Variants in SPAG16 observed in about 807,000 individuals in gnomAD.
SPAG16 encodes the protein sperm-associated antigen 16 protein.
Under a neutral mutation model 80.4 loss-of-function variants are expected in SPAG16, and 86 were observed. That is an observed-to-expected ratio of 1.07 (90% confidence interval 0.90 to 1.28). The LOEUF is 1.28. Ranked by LOEUF, SPAG16 falls within the 50% of genes most tolerant of loss-of-function variation. The pLI is 0.00. For synonymous variants in SPAG16, 294 were observed against 265.9 expected (o/e 1.11, Z -1.03); for missense variants, 870 against 765.3 (o/e 1.14, Z -1.61).
chr2:213,912,881 A>G (rs10181112), intron 11 of SPAG16, among the ~76,000 whole-genome samples: 88,835 of 151,824 alleles, frequency 0.59, 27,792 homozygotes, highest in South Asian at 0.84. Flanking sequence ...ATTTGAAGTC[A>G]TTTGTTCACA....
chr2:213,520,526 G>A (rs182411931), intron 10 of SPAG16, among the ~76,000 whole-genome samples: 23 of 151,200 alleles, frequency 1.5e-4, no homozygotes, highest in African/African-American at 4.6e-4. Flanking sequence ...CCTGGGAGGC[G>A]GAGCTTGCAG....
intron 10 of SPAG16, among the ~76,000 whole-genome samples, chr2:213,763,673 C>T (rs901431971): frequency 4.7e-5 from 7 of 150,398 alleles, no homozygotes; most frequent in Non-Finnish European, 7.4e-5. Flanking sequence ...TTTTTTACCA[C>T]GATAAAAAGG....
intron 10 of SPAG16, among the ~76,000 whole-genome samples, chr2:213,502,289 A>C (rs2074774438): frequency 6.6e-6 from 1 of 151,826 alleles, no homozygotes; most frequent in Non-Finnish European, 1.5e-5. Context: ...GCTATTTAAA[A>C]AATTTTTTTT....
intron 15 of SPAG16, among the ~76,000 whole-genome samples, chr2:214,366,857 A>G (rs950308756): frequency 5.9e-5 from 9 of 152,130 alleles, no homozygotes; most frequent in Admixed American, 3.9e-4. Flanking sequence ...TGAAAAAAAA[A>G]CACATTTGTT....
intron 9 of SPAG16, among the ~76,000 whole-genome samples, chr2:213,388,933 A>G (rs563270658): frequency 1.3e-5 from 2 of 152,216 alleles, no homozygotes; most frequent in South Asian, 2.1e-4. Flanking sequence ...TAAGTTTCGT[A>G]TAGTCTCAAG....
chr2:213,634,319 G>T (rs1484109890), intron 10 of SPAG16, among the ~76,000 whole-genome samples: 1 of 151,980 alleles, frequency 6.6e-6, no homozygotes, highest in Non-Finnish European at 1.5e-5. Context: ...CATTAACTTT[G>T]TCTCCCTCAC....
intron 10 of SPAG16, among the ~76,000 whole-genome samples, chr2:213,612,469 G>A (rs1574491340): frequency 6.6e-6 from 1 of 152,142 alleles, no homozygotes; most frequent in East Asian, 1.9e-4. Context: ...TCATCACTTA[G>A]ATATCTAATA....
chr2:213,940,101 AT>A (rs1442071314), intron 12 of SPAG16, among the ~76,000 whole-genome samples: 3 of 152,216 alleles, frequency 2.0e-5, no homozygotes, highest in African/African-American at 7.2e-5. Flanking sequence ...AAGGTACAAA[AT>A]TTTAAACTAG....
At position 214,030,524 on chromosome 2, in the gene SPAG16, T is replaced by C. The variant is rs547249492; in HGVS notation, c.1527+16447T>C. On this transcript the variant is annotated intron_variant, in intron 13 of 15. Transcript: ENST00000331683. ...CAATTAATATTTTATGTATATGGTATAAAGAGGTCCTGGATTTTTAGTGCC... is the reference window on the plus strand; with the variant it reads ...CAATTAATATTTTATGTATATGGTACAAAGAGGTCCTGGATTTTTAGTGCC... Among the ~76,000 whole-genome samples, 18 of 152,312 alleles carry C rather than the reference T, an allele frequency of 1.2e-4. No individual in the cohort carries two copies. In the South Asian group the frequency reaches 1.2e-3, roughly 11 times the overall value.
At chr2:213,444,030 T>C (rs1419916854) in intron 9 of SPAG16, among the ~76,000 whole-genome samples, 1 of 152,064 alleles carries the variant, frequency 6.6e-6, no homozygotes, top group African/African-American at 2.4e-5. Flanking sequence ...TCTGCACTGA[T>C]TGTTGGAGGA....
At chr2:213,659,875 T>C (rs1182105916) in intron 10 of SPAG16, among the ~76,000 whole-genome samples, 2 of 152,170 alleles carry the variant, frequency 1.3e-5, no homozygotes, top group African/African-American at 4.8e-5. Flanking sequence ...TATACATCTG[T>C]ATATATGTTT....
chr2:214,269,972 C>A (rs1691875191), intron 15 of SPAG16, among the ~76,000 whole-genome samples: 1 of 148,902 alleles, frequency 6.7e-6, no homozygotes, highest in African/African-American at 2.4e-5. Flanking sequence ...AGAGACAGAA[C>A]TTGGATTAAA....
chr2:214,008,520 G>A (rs545168753), intron 12 of SPAG16, among the ~76,000 whole-genome samples: 1 of 152,222 alleles, frequency 6.6e-6, no homozygotes, highest in African/African-American at 2.4e-5. Flanking sequence ...CAAAGTGGGT[G>A]GATTACTTGA....
At chr2:214,082,351 A>G (rs1196043848) in intron 13 of SPAG16, among the ~76,000 whole-genome samples, 1 of 152,156 alleles carries the variant, frequency 6.6e-6, no homozygotes, top group Non-Finnish European at 1.5e-5. Flanking sequence ...CTGAAACCCA[A>G]AGACACAAGA....
At position 214,267,419 on chromosome 2, in the gene SPAG16, A is replaced by G. The variant is rs77082571; in HGVS notation, c.1720+118153A>G. Among the ~76,000 whole-genome samples, 506 of 151,882 alleles carry G rather than the reference A, an allele frequency of 3.3e-3. 4 individuals are homozygous for G. The highest frequency in any genetic ancestry group is 0.011 in the African/African-American group (448 of 41,536). Reference sequence around the variant, plus strand: ...GAAAGGACAGTCCCTTCAAAAAATGATATTAGGAATACTGGATATTCATAT... The same window carrying G: ...GAAAGGACAGTCCCTTCAAAAAATGGTATTAGGAATACTGGATATTCATAT... On this transcript the variant is annotated intron_variant, in intron 15 of 15. Transcript: ENST00000331683.
At chr2:213,669,464 T>G (rs1398883498) in intron 10 of SPAG16, among the ~76,000 whole-genome samples, 1 of 152,160 alleles carries the variant, frequency 6.6e-6, no homozygotes, top group Non-Finnish European at 1.5e-5. Flanking sequence ...AAAAAATGAG[T>G]TTTCAGAAAT....
At chr2:213,481,359 C>G (rs947919488) in intron 9 of SPAG16, among the ~76,000 whole-genome samples, 2 of 152,090 alleles carry the variant, frequency 1.3e-5, no homozygotes, top group African/African-American at 4.8e-5. Context: ...TAATAGAATA[C>G]GTTTTTATTG....
intron 11 of SPAG16, among the ~76,000 whole-genome samples, chr2:213,921,635 G>T (rs1559590612): frequency 6.6e-6 from 1 of 152,124 alleles, no homozygotes; most frequent in Non-Finnish European, 1.5e-5. Flanking sequence ...TCACTGGTTT[G>T]TGTACTTAAG....
chr2:213,930,024 G>A lies in SPAG16; in HGVS notation c.1279G>A (p.Asp427Asn), dbSNP rs149756578. The change falls in exon 12 of 16, where the codon GAT (aspartate) becomes AAT (asparagine). Residue 427 changes from aspartate to asparagine, a missense_variant. Transcript: ENST00000331683. ...TAAATTATGGGATCTATGTAAAGGC[G>A]ATTGCATTTTGACCTTTGAAGGACA... ...TVKLWDLCKG[D>N]CILTFEGHSR... The A allele has an allele frequency of 1.1e-3, 1,838 of 1,614,068 alleles. 1 individual carries two copies. The highest frequency in any genetic ancestry group is 1.5e-3 in the Non-Finnish European group (1,724 of 1,179,966).
Sources: gnomAD v4.1 joint callset for allele counts (sites outside exome capture counted in the v4.1 genomes callset) on GRCh38, gnomAD v4.1.1 for gene constraint, MANE v1.5 for transcripts, NCBI Gene and HGNC (gene_info 2026-07-23, HGNC 2026-07-21) for gene names.